Variants in CDH13 observed in about 807,000 individuals in gnomAD.
CDH13 encodes cadherin-13.
CDH13 carries 24 observed loss-of-function variants against 63.8 expected under a neutral mutation model. That is an observed-to-expected ratio of 0.38 (90% CI 0.27 to 0.53). CDH13 has a LOEUF of 0.53. CDH13 is among the 20% of genes least tolerant of loss of function. CDH13 has a pLI of 0.85. For missense variants in CDH13, 1,049 were observed against 903.1 expected, an observed-to-expected ratio of 1.16 and a Z score of -2.07; for synonymous variants, 503 against 355.3, an observed-to-expected ratio of 1.42 and a Z score of -4.67.
intron 2 of CDH13, among the ~76,000 whole-genome samples, chr16:82,904,861 G>C (rs1394650440): frequency 6.7e-6 from 1 of 149,744 alleles, no homozygotes; most frequent in African/African-American, 2.5e-5. Flanking sequence ...TGAACTAAAT[G>C]AACCTAGGTT....
intron 6 of CDH13, among the ~76,000 whole-genome samples, chr16:83,346,530 A>C (rs1296196693): frequency 1.3e-5 from 2 of 152,174 alleles, no homozygotes; most frequent in Non-Finnish European, 2.9e-5. Context: ...ATGGGCTGGG[A>C]AAGTGTTCTA....
At chr16:83,357,891 G>A (rs753426176) in intron 6 of CDH13, among the ~76,000 whole-genome samples, 18 of 152,154 alleles carry the variant, frequency 1.2e-4, no homozygotes, top group Non-Finnish European at 1.9e-4. Context: ...CATGGAGCTC[G>A]TTTTAACAGT....
At chr16:83,782,300 G>A (rs1017941117) in intron 12 of CDH13, among the ~76,000 whole-genome samples, 2 of 152,180 alleles carry the variant, frequency 1.3e-5, no homozygotes, top group African/African-American at 4.8e-5. Flanking sequence ...CCACTGCCAA[G>A]TGTCACCCAG....
At chr16:82,767,833 G>A (rs2035115274) in intron 1 of CDH13, among the ~76,000 whole-genome samples, 1 of 152,188 alleles carries the variant, frequency 6.6e-6, no homozygotes, top group South Asian at 2.1e-4. Context: ...GGAAGAGTTA[G>A]GTGGGAGCAC....
At chr16:83,262,601 A>T (rs544372990) in intron 5 of CDH13, among the ~76,000 whole-genome samples, 5 of 152,306 alleles carry the variant, frequency 3.3e-5, no homozygotes, top group African/African-American at 1.2e-4. Context: ...AGTCCCCCTC[A>T]TTTACCTTGG....
At chr16:83,667,019 A>G (rs886323776) in intron 8 of CDH13, among the ~76,000 whole-genome samples, 2 of 149,834 alleles carry the variant, frequency 1.3e-5, no homozygotes, top group Non-Finnish European at 3.0e-5. Context: ...GGATGGATGG[A>G]TGGATGGATG....
rs529450164 is a variant in CDH13, at chr16:82,772,148, G to A, written c.46-86214G>A. On this transcript the variant is annotated intron_variant, in intron 1 of 13. Transcript: ENST00000567109. ...AAATTGTTAGGAATTTTGCAATCTG[G>A]TTGACCCCACTGACAGCTTGAAATC... Among the ~76,000 whole-genome samples, 47 of 152,248 alleles carry A rather than the reference G, an allele frequency of 3.1e-4. No homozygotes were observed. In the South Asian group the frequency reaches 9.5e-3, roughly 31 times the overall value.
intron 6 of CDH13, among the ~76,000 whole-genome samples, chr16:83,439,460 G>A (rs1472285386): frequency 2.0e-5 from 3 of 152,156 alleles, no homozygotes; most frequent in Non-Finnish European, 4.4e-5. Context: ...TAGCTGCTTT[G>A]GCGGAAGGGT....
intron 2 of CDH13, among the ~76,000 whole-genome samples, chr16:83,028,399 A>G (rs949316371): frequency 1.3e-5 from 2 of 152,158 alleles, no homozygotes; most frequent in African/African-American, 4.8e-5. Flanking sequence ...TCTAAAGCTG[A>G]CTTAACCACG....
chr16:83,546,630 C>G (rs900144931), intron 7 of CDH13, among the ~76,000 whole-genome samples: 10 of 152,156 alleles, frequency 6.6e-5, no homozygotes, highest in African/African-American at 2.4e-4. Flanking sequence ...GATCTTTACT[C>G]AAATTCACCT....
chr16:83,558,109 G>C (rs2075637714), intron 7 of CDH13, among the ~76,000 whole-genome samples: 1 of 152,168 alleles, frequency 6.6e-6, no homozygotes, highest in South Asian at 2.1e-4. Flanking sequence ...GAAGAGTTTT[G>C]CTACACTGAC....
At chr16:83,703,054 C>G (rs1054551786) in intron 10 of CDH13, among the ~76,000 whole-genome samples, 1 of 152,166 alleles carries the variant, frequency 6.6e-6, no homozygotes, top group Non-Finnish European at 1.5e-5. Context: ...GTTCCAATGG[C>G]AAGGCTAACA....
intron 1 of CDH13, among the ~76,000 whole-genome samples, chr16:82,853,780 G>A (rs944220003): frequency 3.3e-5 from 5 of 152,168 alleles, no homozygotes; most frequent in Admixed American, 6.5e-5. Flanking sequence ...TGCATAAATG[G>A]ACAAACATGT....
rs151049100 is a variant in CDH13 at position 83,430,831 on chromosome 16, T to A, written c.782-55646T>A. Among the ~76,000 whole-genome samples, 1,411 of 152,238 alleles carry A rather than the reference T, an allele frequency of 9.3e-3. 24 individuals are homozygous for A. Among genetic ancestry groups the A allele is most frequent in the African/African-American group, 0.032 (1,320 of 41,528 alleles). On this transcript the variant is annotated intron_variant, in intron 6 of 13. Coordinates refer to ENST00000567109, the MANE Select transcript of CDH13 (RefSeq NM_001257.5). ...AATCTACACACCAGTTCTTTTTTTTTTATACTTTAAGTTTTAGGGTACATG... is the reference window on the plus strand; with the variant it reads ...AATCTACACACCAGTTCTTTTTTTTATATACTTTAAGTTTTAGGGTACATG...
chr16:82,847,620 A>G (rs1324840354), intron 1 of CDH13, among the ~76,000 whole-genome samples: 1 of 152,158 alleles, frequency 6.6e-6, no homozygotes, highest in East Asian at 1.9e-4. Flanking sequence ...CTGATTCCCA[A>G]CCTTAATTAC....
chr16:82,833,211 A>G (rs1475962010), intron 1 of CDH13, among the ~76,000 whole-genome samples: 1 of 152,186 alleles, frequency 6.6e-6, no homozygotes, highest in East Asian at 1.9e-4. Context: ...CTGATTTCAA[A>G]TGTGTTCATA....
At chr16:83,474,566 C>G (rs1211859777) in intron 6 of CDH13, among the ~76,000 whole-genome samples, 1 of 152,196 alleles carries the variant, frequency 6.6e-6, no homozygotes, top group Non-Finnish European at 1.5e-5. Flanking sequence ...CGGCCCACAT[C>G]TGGTGGGTCC....
intron 7 of CDH13, among the ~76,000 whole-genome samples, chr16:83,558,478 A>C (rs1480321374): frequency 6.6e-6 from 1 of 152,248 alleles, no homozygotes; most frequent in Non-Finnish European, 1.5e-5. Context: ...TGCCTTATGC[A>C]TGAATAATGT....
chr16:83,015,096 T>A (rs1007447743), intron 2 of CDH13, among the ~76,000 whole-genome samples: 1 of 151,702 alleles, frequency 6.6e-6, no homozygotes, highest in African/African-American at 2.4e-5. Flanking sequence ...CTGAACTGTT[T>A]AAGTGTATAT....
Sources: gnomAD v4.1 joint callset for allele counts (sites outside exome capture counted in the v4.1 genomes callset) on GRCh38, gnomAD v4.1.1 for gene constraint, MANE v1.5 for transcripts, NCBI Gene and HGNC (gene_info 2026-07-23, HGNC 2026-07-21) for gene names.